Variants in RABGEF1 observed in about 807,000 individuals in gnomAD.
RABGEF1 encodes the protein RAB guanine nucleotide exchange factor 1.
In RABGEF1, 26 loss-of-function variants were observed where a neutral mutation model predicts 57.3. The ratio of observed to expected loss-of-function variants is 0.45; its 90% CI spans 0.33 to 0.63. The LOEUF is 0.63. Among genes scored for constraint, RABGEF1 ranks in the 20% least tolerant of loss-of-function variants. RABGEF1 has a pLI of 0.02. For synonymous variants in RABGEF1, 185 were observed against 210.7 expected, an observed-to-expected ratio of 0.88 and a Z score of 1.06; for missense variants, 464 against 607.6, an observed-to-expected ratio of 0.76 and a Z score of 2.48.
intron 3 of RABGEF1, among the ~76,000 whole-genome samples, chr7:66,781,948 G>A (rs545888582): frequency 1.3e-5 from 2 of 152,262 alleles, no homozygotes; most frequent in East Asian, 3.9e-4. Flanking sequence ...TCTGCTGTTT[G>A]TCTGTCATCC....
intron 2 of RABGEF1, among the ~76,000 whole-genome samples, chr7:66,772,806 G>A (rs1365226291): frequency 6.6e-6 from 1 of 151,812 alleles, no homozygotes; most frequent in Non-Finnish European, 1.5e-5. Flanking sequence ...CAGCTACTTG[G>A]GAGACTGAGG....
chr7:66,804,463 G>T (rs575485366), intron 7 of RABGEF1, among the ~76,000 whole-genome samples: 10 of 152,114 alleles, frequency 6.6e-5, no homozygotes, highest in South Asian at 2.1e-4. Flanking sequence ...GGCCAGGCAC[G>T]GTGGCTCACG....
intron 1 of RABGEF1, among the ~76,000 whole-genome samples, chr7:66,684,421 C>T (rs1302570509): frequency 1.3e-5 from 2 of 152,094 alleles, no homozygotes; most frequent in African/African-American, 4.8e-5. Flanking sequence ...CCAGCCTGGG[C>T]AACAGTGCAA....
At chr7:66,723,896 A>T (rs188775536) in intron 2 of RABGEF1, among the ~76,000 whole-genome samples, 1 of 152,326 alleles carries the variant, frequency 6.6e-6, no homozygotes. Flanking sequence ...CTTTTAAAGA[A>T]ATGAAAATAA....
At chr7:66,765,317 TAGACTC>T in intron 1 of RABGEF1, among the ~76,000 whole-genome samples, 1 of 152,214 alleles carries the variant, frequency 6.6e-6, no homozygotes, top group Non-Finnish European at 1.5e-5. Flanking sequence ...TCAGTCTTCT[TAGACTC>T]AGAGCTATTG....
intron 4 of RABGEF1, among the ~76,000 whole-genome samples, chr7:66,785,264 C>T (rs1257922346): frequency 6.6e-6 from 1 of 152,142 alleles, no homozygotes; most frequent in Non-Finnish European, 1.5e-5. Flanking sequence ...GCCTCAGATT[C>T]CTCCTGTTTT....
chr7:66,724,353 A>G (rs1796362085), intron 2 of RABGEF1, among the ~76,000 whole-genome samples: 1 of 151,102 alleles, frequency 6.6e-6, no homozygotes, highest in Non-Finnish European at 1.5e-5. Flanking sequence ...TTGAATCAGT[A>G]TTTATTTATT....
At chr7:66,753,700 C>CTTTTTTT (rs1562788670) in intron 1 of RABGEF1, among the ~76,000 whole-genome samples, 4 of 78,510 alleles carry the variant, frequency 5.1e-5, no homozygotes, top group Non-Finnish European at 8.4e-5. Flanking sequence ...ATTTTGCCAT[C>CTTTTTTT]GTTTTTTTTT....
At chr7:66,798,817 CT>C (rs1458510260) in intron 6 of RABGEF1, among the ~76,000 whole-genome samples, 1 of 152,148 alleles carries the variant, frequency 6.6e-6, no homozygotes, top group African/African-American at 2.4e-5. Flanking sequence ...CAGAAATTAG[CT>C]GGGCATGGAG....
chr7:66,787,288 C>T (rs1811406654), intron 4 of RABGEF1, among the ~76,000 whole-genome samples: 1 of 150,230 alleles, frequency 6.7e-6, no homozygotes, highest in Non-Finnish European at 1.5e-5. Context: ...CCCGCCTTGG[C>T]CTCCCAAAAT....
At chr7:66,732,747 C>G (rs1229467048) in intron 2 of RABGEF1, among the ~76,000 whole-genome samples, 3 of 152,090 alleles carry the variant, frequency 2.0e-5, no homozygotes, top group East Asian at 3.9e-4. Context: ...TGCTGTCTCT[C>G]TCGCTCTCTT....
At chr7:66,736,210 C>T (rs566625077), upstream of RABGEF1, among the ~76,000 whole-genome samples, 5 of 152,314 alleles carry the variant, frequency 3.3e-5, no homozygotes, top group Non-Finnish European at 7.3e-5. Context: ...TAGGTCTTCA[C>T]CCATGCACAC....
intron 2 of RABGEF1, among the ~76,000 whole-genome samples, chr7:66,731,721 A>G (rs1797340105): frequency 6.6e-6 from 1 of 152,148 alleles, no homozygotes; most frequent in Non-Finnish European, 1.5e-5. Context: ...CTTGTCTAAC[A>G]TCAGGATTCT....
At chr7:66,729,763 T>A (rs559467793) in intron 2 of RABGEF1, among the ~76,000 whole-genome samples, 1 of 152,360 alleles carries the variant, frequency 6.6e-6, no homozygotes, top group South Asian at 2.1e-4. Context: ...GAGGTGACCC[T>A]AGATGATGGA....
chr7:66,771,686 T>C (rs1170264684), intron 1 of RABGEF1, among the ~76,000 whole-genome samples, 197 bp from the exon 2 acceptor site: 2 of 152,142 alleles, frequency 1.3e-5, no homozygotes, highest in African/African-American at 2.4e-5. Context: ...TTCTTTAATA[T>C]GGCTGTGTCA....
intron 1 of RABGEF1, among the ~76,000 whole-genome samples, chr7:66,710,348 C>T (rs2117375799): frequency 6.6e-6 from 1 of 152,270 alleles, no homozygotes. Context: ...TATAGGCATC[C>T]AGATAATAGT....
chr7:66,783,772 C>CT lies in RABGEF1; in HGVS notation c.446dup (p.His150ProfsTer9). 1 of 1,613,646 alleles carries CT rather than the reference C, an allele frequency of 6.2e-7. No homozygotes were observed. The highest frequency in any genetic ancestry group is 8.5e-7 in the Non-Finnish European group (1 of 1,179,714). Reference sequence around the variant, plus strand: ...AGGAGTTCATAGAATTTCTCAAGACCTTCCACAAGACAGGCCAAGAAATCT... The same window carrying CT: ...AGGAGTTCATAGAATTTCTCAAGACCTTTCCACAAGACAGGCCAAGAAATCT... On this transcript the variant is annotated frameshift_variant, in exon 4 of 9. Coordinates refer to ENST00000284957, the MANE Select transcript of RABGEF1 (RefSeq NM_014504.3). LOFTEE classifies it high-confidence loss of function.
Position 66,809,502 on chromosome 7 carries a change from C to A in RABGEF1, c.*218C>A. On this transcript the variant is annotated 3_prime_UTR_variant, in exon 9 of 9. Coordinates refer to ENST00000284957, the MANE Select transcript of RABGEF1 (RefSeq NM_014504.3). ...GTTACTGATACAGATTCATTTAAGG[C>A]TTGTGTGCAAATTTTGTCTCAATCT... The A allele has an allele frequency of 2.3e-6, 1 of 432,262 alleles. No individual in the cohort carries two copies. Among genetic ancestry groups the A allele is most frequent in the Non-Finnish European group, 3.9e-6 (1 of 255,516 alleles). The allele number at this position is 432,262 out of a possible 1,614,324, so 26.8% of individuals were successfully genotyped here.
the RABGEF1 span, among the ~76,000 whole-genome samples, chr7:66,663,545 T>A: frequency 3.8e-4 from 50 of 133,252 alleles, no homozygotes; most frequent in African/African-American, 1.3e-3. Context: ...GCCACTGCAC[T>A]CCAGCCTGGC....
Sources: allele counts gnomAD v4.1 joint callset (sites outside exome capture counted in the v4.1 genomes callset), GRCh38; gene constraint gnomAD v4.1.1; transcripts MANE v1.5; gene names NCBI Gene and HGNC (gene_info 2026-07-23, HGNC 2026-07-21).